The following NTRK1 variants were observed in gnomAD, a reference collection of about 807,000 sequenced individuals.
NTRK1 encodes neurotrophic receptor tyrosine kinase 1.
Under a neutral mutation model 86.8 loss-of-function variants are expected in NTRK1, and 62 were observed. The ratio of observed to expected loss-of-function variants is 0.71; its 90% CI spans 0.58 to 0.88. The LOEUF (loss-of-function observed/expected upper bound fraction) is 0.88. NTRK1 is among the 40% of genes least tolerant of loss of function. The pLI is 0.00. For missense variants in NTRK1, 967 were observed against 1,078.4 expected, an observed-to-expected ratio of 0.90 and a Z score of 1.45; for synonymous variants, 469 against 456.6, an observed-to-expected ratio of 1.03 and a Z score of -0.35.
At chr1:156,869,904 C>T (rs1647453317) in intron 6 of NTRK1, among the ~76,000 whole-genome samples, 2 of 152,204 alleles carry the variant, frequency 1.3e-5, no homozygotes, top group South Asian at 4.1e-4. Context: ...GGAATGTGTG[C>T]CTGGGGGGCT....
At chr1:156,842,459 A>G (rs779186159) in intron 2 of NTRK1, 59 of 1,613,952 alleles carry the variant, frequency 3.7e-5, no homozygotes, top group Non-Finnish European at 4.7e-5. Flanking sequence ...CATTAACTCC[A>G]TGATGACCAG....
chr1:156,846,568 A>G (rs1465751198), intron 2 of NTRK1: 2 of 1,614,100 alleles, frequency 1.2e-6, no homozygotes, highest in Admixed American at 3.3e-5. Context: ...CTCCTTGATG[A>G]GGGCTGTCCT....
chr1:156,824,338 C>T lies in NTRK1; in HGVS notation c.-64+8500C>T, dbSNP rs574117546. Among the ~76,000 whole-genome samples, 5 of 152,312 alleles carry T rather than the reference C, an allele frequency of 3.3e-5. No individual in the cohort carries two copies. The East Asian group carries it at 7.7e-4, about 24-fold the overall frequency. ...AGTGCTGTTAGCACCAGCATATCAT[C>T]CTGGCACATTTATCAGTTGGTTATA... On this transcript the variant is annotated intron_variant, in intron 1 of 16. Coordinates refer to the NTRK1 transcript ENST00000392302.
At chr1:156,876,231 G>A (rs1172433913) in intron 13 of NTRK1, 21 bp downstream of exon 13, 4 of 1,613,488 alleles carry the variant, frequency 2.5e-6, no homozygotes, top group African/African-American at 1.3e-5. Context: ...GCCCCGGGGG[G>A]TACTGCTGGC....
chr1:156,845,998 C>A (rs763632738), intron 2 of NTRK1: 36 of 1,613,928 alleles, frequency 2.2e-5, no homozygotes, highest in Non-Finnish European at 3.0e-5. Context: ...CCTCTGCCAG[C>A]CGCTGCCACA....
At chr1:156,830,973 T>G (rs1454608283) in intron 1 of NTRK1, among the ~76,000 whole-genome samples, 1 of 152,210 alleles carries the variant, frequency 6.6e-6, no homozygotes, top group Non-Finnish European at 1.5e-5. Context: ...ACCTTCTTGT[T>G]CTTGCTGACT....
intron 1 of NTRK1, among the ~76,000 whole-genome samples, chr1:156,828,803 G>A (rs971137136): frequency 2.6e-5 from 4 of 152,194 alleles, no homozygotes; most frequent in Non-Finnish European, 5.9e-5. Context: ...TTCCCCATAC[G>A]TAAAATGGGA....
intron 2 of NTRK1, chr1:156,849,513 G>GGGGGGC: frequency 2.1e-5 from 10 of 486,114 alleles, no homozygotes; most frequent in African/African-American, 4.0e-5. Context: ...CAGGGGGTGG[G>GGGGGGC]AAAGGGGATG....
chr1:156,875,914 A>G, intron 12 of NTRK1, 166 bp from the exon 13 acceptor site: 2 of 1,177,946 alleles, frequency 1.7e-6, no homozygotes, highest in Admixed American at 3.7e-5. Flanking sequence ...GCAGCCCCAC[A>G]CTATGACATG....
At chr1:156,877,289 A>G (rs1282319607) in intron 14 of NTRK1, among the ~76,000 whole-genome samples, 1 of 152,254 alleles carries the variant, frequency 6.6e-6, no homozygotes, top group Non-Finnish European at 1.5e-5. Context: ...ATATATTGCA[A>G]TTTACACTTG....
intron 1 of NTRK1, chr1:156,841,650 C>T (rs964356412): frequency 6.2e-7 from 1 of 1,612,934 alleles, no homozygotes; most frequent in South Asian, 1.1e-5. Flanking sequence ...GCCCTGTGCT[C>T]CAGCTCGGCC....
At position 156,881,559 on chromosome 1, in the gene NTRK1, C is replaced by T. The variant is rs764816792; in HGVS notation, c.2308C>T (p.Gln770Ter). The T allele has an allele frequency of 5.6e-6, 9 of 1,610,826 alleles. No individual in the cohort carries two copies. Among genetic ancestry groups the T allele is most frequent in the Non-Finnish European group, 7.6e-6 (9 of 1,178,936 alleles). ...GGGCTGCTGGCAGCGGGAGCCCCAG[C>T]AACGCCACAGCATCAAGGATGTGCA... ...MRGCWQREPQ[Q>*]RHSIKDVHAR... The change falls in exon 17 of 17, where the codon CAA (glutamine) becomes TAA (stop). Residue 770 changes from glutamine (Q) to a stop codon, truncating the protein, a stop_gained. Coordinates refer to ENST00000524377, the MANE Select transcript of NTRK1 (RefSeq NM_002529.4). LOFTEE classifies it high-confidence loss of function.
chr1:156,849,179 C>G, intron 2 of NTRK1: 1 of 1,603,142 alleles, frequency 6.2e-7, no homozygotes, highest in Non-Finnish European at 8.5e-7. Context: ...CGAGCTTTCT[C>G]CCTCCCCCGG....
chr1:156,858,646 G>T, upstream of NTRK1: 4 of 1,601,992 alleles, frequency 2.5e-6, no homozygotes, highest in Non-Finnish European at 3.4e-6. Flanking sequence ...CTTGTGTCCA[G>T]TCCCGGCTCT....
chr1:156,864,552 G>A, intron 2 of NTRK1, 124 bp downstream of exon 2: 1 of 1,175,900 alleles, frequency 8.5e-7, no homozygotes, highest in Non-Finnish European at 1.3e-6. Flanking sequence ...TGAGGGACTG[G>A]GAGAAGTCAG....
intron 14 of NTRK1, among the ~76,000 whole-genome samples, chr1:156,877,172 C>G (rs7538521): frequency 0.047 from 7,086 of 152,182 alleles, 511 homozygotes; most frequent in African/African-American, 0.16. Context: ...AGGTGCACAC[C>G]ATTGCACCTG....
At position 156,875,182 on chromosome 1, in the gene NTRK1, G is replaced by A. The variant is rs550211002; in HGVS notation, c.1354+174G>A. Reference sequence around the variant, plus strand: ...GTGAGGCTTGTGAGTGTGAGTGTGTGTGGGAGCGTGTGTCGGGCTGGTGCT... The same window carrying A: ...GTGAGGCTTGTGAGTGTGAGTGTGTATGGGAGCGTGTGTCGGGCTGGTGCT... On this transcript the variant is annotated intron_variant, in intron 11 of 16. Coordinates refer to ENST00000524377, the MANE Select transcript of NTRK1 (RefSeq NM_002529.4). Among the ~76,000 whole-genome samples, 4 of 152,168 alleles carry A rather than the reference G, an allele frequency of 2.6e-5. No homozygotes were observed. The East Asian group carries it at 5.8e-4, about 22-fold the overall frequency.
chr1:156,853,871 C>T (rs112768480), intron 2 of NTRK1: 1 of 1,614,146 alleles, frequency 6.2e-7, no homozygotes, highest in Non-Finnish European at 8.5e-7. Flanking sequence ...ACACTCCTCG[C>T]CCAGCTTGTT....
intron 14 of NTRK1, among the ~76,000 whole-genome samples, chr1:156,877,536 G>A (rs1647995585): frequency 6.6e-6 from 1 of 152,216 alleles, no homozygotes; most frequent in African/African-American, 2.4e-5. Context: ...TGTTCCCTCG[G>A]TCTAGTCCTT....
Sources: allele counts gnomAD v4.1 joint callset (sites outside exome capture counted in the v4.1 genomes callset), GRCh38; gene constraint gnomAD v4.1.1; transcripts MANE v1.5; gene names NCBI Gene and HGNC (gene_info 2026-07-23, HGNC 2026-07-21).